The following CFAP54 variants were observed in gnomAD, a reference collection of about 807,000 sequenced individuals.
CFAP54 encodes cilia- and flagella-associated protein 54.
A neutral mutation model predicts 370.4 loss-of-function variants in CFAP54; 290 were observed. The ratio of observed to expected loss-of-function variants is 0.78; its 90% CI spans 0.71 to 0.86. The LOEUF (loss-of-function observed/expected upper bound fraction) is 0.86. CFAP54 is among the 40% of genes least tolerant of loss of function. CFAP54 has a pLI of 0.00. For missense variants in CFAP54, 3,399 were observed against 3,528.7 expected, an observed-to-expected ratio of 0.96 and a Z score of 0.93; for synonymous variants, 1,206 against 1,236.5, an observed-to-expected ratio of 0.98 and a Z score of 0.52.
At chr12:96,608,485 A>C (rs2136452335) in intron 26 of CFAP54, among the ~76,000 whole-genome samples, 2 of 102,428 alleles carry the variant, frequency 2.0e-5, no homozygotes, top group Admixed American at 1.4e-4. Flanking sequence ...TTTTTGAGGC[A>C]GAGTCTCACT....
At chr12:96,771,464 A>G (rs1236400693) in intron 60 of CFAP54, among the ~76,000 whole-genome samples, 1 of 152,218 alleles carries the variant, frequency 6.6e-6, no homozygotes, top group Non-Finnish European at 1.5e-5. Context: ...CATCCTGGCT[A>G]ACACGGTGAA....
chr12:96,789,315 G>T (rs1174204248), intron 62 of CFAP54, among the ~76,000 whole-genome samples: 1 of 152,206 alleles, frequency 6.6e-6, no homozygotes, highest in Non-Finnish European at 1.5e-5. Context: ...ACGTGAACAG[G>T]CCAGGAAGGT....
chr12:96,607,413 T>G (rs188416494), intron 26 of CFAP54, among the ~76,000 whole-genome samples: 121 of 152,220 alleles, frequency 7.9e-4, no homozygotes, highest in African/African-American at 2.7e-3. Flanking sequence ...AAATAACCCT[T>G]CTGTAACTGA....
At chr12:96,815,717 C>T (rs187957126) in intron 64 of CFAP54, among the ~76,000 whole-genome samples, 1 of 152,136 alleles carries the variant, frequency 6.6e-6, no homozygotes, top group East Asian at 1.9e-4. Context: ...AGTCTTTAAT[C>T]CATCTTGAGT....
intron 26 of CFAP54, among the ~76,000 whole-genome samples, chr12:96,608,834 A>G (rs947270503): frequency 2.0e-5 from 3 of 152,214 alleles, no homozygotes; most frequent in Admixed American, 2.0e-4. Flanking sequence ...AAACAGGAAC[A>G]GGAAAAACTG....
intron 66 of CFAP54, among the ~76,000 whole-genome samples, chr12:96,830,031 G>C (rs905454867): frequency 6.6e-6 from 1 of 151,990 alleles, no homozygotes; most frequent in South Asian, 2.1e-4. Flanking sequence ...AAAGTTATCC[G>C]TGTTGTAACA....
chr12:96,503,471 C>A (rs1387582113), intron 2 of CFAP54, among the ~76,000 whole-genome samples: 1 of 146,080 alleles, frequency 6.8e-6, no homozygotes, highest in Non-Finnish European at 1.5e-5. Flanking sequence ...CTCGCTCGCT[C>A]GCTCTTCGTT....
At chr12:96,861,539 A>C (rs34455) in intron 67 of CFAP54, among the ~76,000 whole-genome samples, 1 of 152,154 alleles carries the variant, frequency 6.6e-6, no homozygotes, top group Non-Finnish European at 1.5e-5. Flanking sequence ...GACCTTCCAT[A>C]TTTTATACTT....
intron 66 of CFAP54, among the ~76,000 whole-genome samples, chr12:96,846,243 C>G (rs1018383320): frequency 2.0e-5 from 3 of 152,206 alleles, no homozygotes; most frequent in African/African-American, 7.2e-5. Context: ...CTCTTAAATA[C>G]TTCGTCCAGG....
At chr12:96,836,876 A>G (rs1419951074) in intron 66 of CFAP54, among the ~76,000 whole-genome samples, 1 of 152,198 alleles carries the variant, frequency 6.6e-6, no homozygotes, top group Non-Finnish European at 1.5e-5. Flanking sequence ...CATCCAGACT[A>G]TAGTGCAGTG....
chr12:96,695,325 G>A (rs1375763452), intron 45 of CFAP54, among the ~76,000 whole-genome samples: 7 of 152,156 alleles, frequency 4.6e-5, no homozygotes, highest in Non-Finnish European at 7.4e-5. Flanking sequence ...TTTGAATTTC[G>A]CTTCGTGTCT....
chr12:96,812,475 T>C (rs964724005), intron 64 of CFAP54, among the ~76,000 whole-genome samples: 5 of 152,198 alleles, frequency 3.3e-5, no homozygotes, highest in African/African-American at 9.6e-5. Context: ...ATTTATTACT[T>C]AGTTTATTTT....
intron 25 of CFAP54, among the ~76,000 whole-genome samples, chr12:96,597,316 T>G (rs1956190593): frequency 6.6e-6 from 1 of 152,032 alleles, no homozygotes; most frequent in East Asian, 1.9e-4. Context: ...CTGAGGAACC[T>G]ACTGGGACAC....
At position 96,554,707 on chromosome 12, in the gene CFAP54, A is replaced by G; in HGVS notation, c.2315A>G (p.Lys772Arg). The change falls in exon 17 of 68, where the codon AAA becomes AGA. Residue 772 changes from lysine to arginine, a missense_variant. Physicochemically the swap from Lys to Arg is conservative, Grantham distance 26. Around this residue, in one of 3 missense-constraint regions of CFAP54, gnomAD observed 2,796 missense variants for 2,869.7 expected, o/e 0.97. Transcript: ENST00000524981. ...RTHHIDGDTY[K>R]PLASNSFMMD... ...CACCATATAGATGGAGATACTTACA[A>G]ACCACTTGCCTCAAATAGTTTCATG... is the stretch of plus-strand genomic sequence containing the variant. 1 of 1,534,498 alleles carries G rather than the reference A, an allele frequency of 6.5e-7. No homozygotes were observed. Among genetic ancestry groups the G allele is most frequent in the Non-Finnish European group, 8.7e-7 (1 of 1,145,892 alleles).
intron 32 of CFAP54, 67 bp from the exon 33 acceptor site, chr12:96,644,111 A>G (rs1334835266): frequency 2.8e-6 from 3 of 1,068,788 alleles, no homozygotes; most frequent in Non-Finnish European, 4.0e-6. Flanking sequence ...CCAAATTGGA[A>G]TGATTCTTCT....
intron 4 of CFAP54, among the ~76,000 whole-genome samples, 167 bp from the exon 5 acceptor site, chr12:96,512,819 T>C (rs1565880305): frequency 6.6e-6 from 1 of 152,240 alleles, no homozygotes; most frequent in Non-Finnish European, 1.5e-5. Context: ...TGATTTTGTT[T>C]ACAAGTTACA....
At chr12:96,854,614 G>A (rs996063831) in intron 66 of CFAP54, among the ~76,000 whole-genome samples, 11 of 152,120 alleles carry the variant, frequency 7.2e-5, no homozygotes, top group African/African-American at 2.4e-4. Context: ...GGGAATGATT[G>A]TATAAATCAG....
intron 5 of CFAP54, among the ~76,000 whole-genome samples, 177 bp from the exon 6 acceptor site, chr12:96,518,751 T>G (rs1292278121): frequency 6.6e-6 from 1 of 152,226 alleles, no homozygotes; most frequent in East Asian, 1.9e-4. Flanking sequence ...GATTTTGAGC[T>G]TTTAAATTAT....
chr12:96,559,522 T>G (rs1434235692), intron 17 of CFAP54, among the ~76,000 whole-genome samples: 1 of 152,162 alleles, frequency 6.6e-6, no homozygotes, highest in Non-Finnish European at 1.5e-5. Flanking sequence ...AACCTTCACC[T>G]AAATCCACCA....
Sources: gnomAD v4.1 joint callset for allele counts (sites outside exome capture counted in the v4.1 genomes callset) on GRCh38, gnomAD v4.1.1 for gene constraint, gnomAD v4.1.1 regional missense constraint, MANE v1.5 for transcripts, NCBI Gene and HGNC (gene_info 2026-07-23, HGNC 2026-07-21) for gene names.